The following CCDC102A variants were observed in gnomAD, a reference collection of about 807,000 sequenced individuals.
The protein encoded by CCDC102A is coiled-coil domain containing 102A, also known as coiled-coil domain-containing protein 102A.
Under a neutral mutation model 55.5 loss-of-function variants are expected in CCDC102A, and 40 were observed. The observed-to-expected ratio is 0.72, with a 90% CI of 0.56 to 0.94. The LOEUF is 0.94. Among genes scored for constraint, CCDC102A ranks in the 40% least tolerant of loss-of-function variants. The probability of loss-of-function intolerance (pLI) is 0.00; values close to 1 mark genes in which losing one functional copy is unlikely to be tolerated. For missense variants in CCDC102A, 779 were observed against 768.6 expected, an observed-to-expected ratio of 1.01 and a Z score of -0.16; for synonymous variants, 323 against 339.0, an observed-to-expected ratio of 0.95 and a Z score of 0.52.
At chr16:57,536,126 C>T (rs970827524) in intron 1 of CCDC102A, among the ~76,000 whole-genome samples, 2 of 152,176 alleles carry the variant, frequency 1.3e-5, no homozygotes, top group African/African-American at 4.8e-5. Flanking sequence ...TCTGATTGGC[C>T]AGCGCCGCCC....
Position 57,512,529 on chromosome 16 carries a change from C to CGCGCGTGT in CCDC102A, c.*211_*212insACACGCGC, listed in dbSNP as rs150669592. ...TTCTGGGTGTGCGCGCGCGCGCGCG[C>CGCGCGTGT]GTGTGTGTATATATATATATAAAAC... On this transcript the variant is annotated 3_prime_UTR_variant, in exon 9 of 9. Transcript: ENST00000258214. 3.8e-5 allele frequency: 18 copies of CGCGCGTGT among 475,822 alleles called. No individual in the cohort carries two copies. The African/African-American group carries it at 4.0e-4, about 11-fold the overall frequency. The allele number at this position is 475,822 out of a possible 1,614,324, so 29.5% of individuals were successfully genotyped here.
rs1407458716 is a variant in CCDC102A, at chr16:57,529,031, G to A, written c.147C>T (p.Pro49=). 3 of 1,106,504 alleles carry A rather than the reference G, an allele frequency of 2.7e-6. No individual in the cohort carries two copies. The highest frequency in any genetic ancestry group is 3.3e-6 in the Non-Finnish European group (3 of 907,606). 68.5% of individuals were successfully genotyped at this position (1,106,504 alleles called of 1,614,324 possible). A position where few individuals can be genotyped will look rare whatever the true frequency, so the allele number is the denominator to read the frequency against. ...PPTPPSGTPS[P]GPPPALPLPP... is the part of the protein sequence containing the mutation. ...GCAGGGGCAGTGCGGGCGGCGGCCC[G>A]GGCGAGGGCGTGCCGCTGGGCGGCG... Residue 49 remains proline (P), a synonymous_variant, in exon 2 of 9, where the codon CCC becomes CCT. Coordinates refer to ENST00000258214, the MANE Select transcript of CCDC102A (RefSeq NM_033212.4). The surrounding 1 kb of genome is among the most constrained non-coding windows in gnomAD (Gnocchi z 4.1).
intron 3 of CCDC102A, among the ~76,000 whole-genome samples, chr16:57,524,562 G>A (rs919555223): frequency 7.0e-6 from 1 of 142,590 alleles, no homozygotes; most frequent in Admixed American, 6.8e-5. Context: ...GGCTGACAGA[G>A]TGAGGCTCTG....
At chr16:57,527,467 T>G (rs1335292239) in intron 2 of CCDC102A, among the ~76,000 whole-genome samples, 3 of 150,026 alleles carry the variant, frequency 2.0e-5, no homozygotes, top group African/African-American at 7.4e-5. Flanking sequence ...TTGCCCAGGC[T>G]GGAGTGCAAT....
chr16:57,528,897 A>G lies in CCDC102A; in HGVS notation c.281T>C (p.Met94Thr). Residue 94 changes from methionine to threonine, a missense_variant, in exon 2 of 9, where the codon ATG becomes ACG. Met to Thr is a moderately conservative substitution (Grantham distance 81). Transcript: ENST00000258214. ...RARAAQMEKT[M>T]RRWSDCTANW... Reference sequence around the variant, plus strand: ...GGCAGTGCAGTCCGACCACCGGCGCATGGTCTTCTCCATCTGCGCCGCCCG... The same window carrying G: ...GGCAGTGCAGTCCGACCACCGGCGCGTGGTCTTCTCCATCTGCGCCGCCCG... 1 of 1,402,726 alleles carries G rather than the reference A, an allele frequency of 7.1e-7. No individual in the cohort carries two copies. The highest frequency in any genetic ancestry group is 9.3e-7 in the Non-Finnish European group (1 of 1,070,760). The allele number at this position is 1,402,726 out of a possible 1,614,324, so 86.9% of individuals were successfully genotyped here.
At position 57,525,947 on chromosome 16, in the gene CCDC102A, G is replaced by A. The variant is rs369291975; in HGVS notation, c.766C>T (p.Arg256Trp). ...TTCTGGGACTCATCCAGCCGTAGCC[G>A]CAGGGCGGTCAACTTGGAGGCCTCC... is the stretch of plus-strand genomic sequence containing the variant. The part of the protein sequence containing the change: ...EEEASKLTAL[R>W]LRLDESQKVL... Residue 256 changes from arginine (R) to tryptophan (W), a missense_variant, in exon 3 of 9, where the codon CGG becomes TGG. Arg to Trp is a moderately radical substitution (Grantham distance 101). Coordinates refer to ENST00000258214, the MANE Select transcript of CCDC102A (RefSeq NM_033212.4). 2.7e-5 allele frequency: 44 copies of A among 1,611,796 alleles called. No individual in the cohort carries two copies. Among genetic ancestry groups the A allele is most frequent in the African/African-American group, 1.1e-4 (8 of 74,808 alleles).
rs1401388247 is a variant in CCDC102A at position 57,529,528 on chromosome 16, C to T, written c.-147-204G>A. On this transcript the variant is annotated intron_variant, in intron 1 of 8. Transcript: ENST00000258214. This position sits in a 1 kb window ranked among gnomAD's most constrained non-coding sequence, Gnocchi z 4.1. ...CCTCGACTCCCTGCTCCAATCCCTT[C>T]ACCCAGCGGCGCTAATCTGAAACCT... 6.6e-6 allele frequency among the ~76,000 whole-genome samples: 1 copy of T among 152,204 alleles called. No individual in the cohort carries two copies. The highest frequency in any genetic ancestry group is 1.5e-5 in the Non-Finnish European group (1 of 68,028).
At chr16:57,518,862 G>T in intron 4 of CCDC102A, 121 bp from the exon 5 acceptor site, 1 of 691,646 alleles carries the variant, frequency 1.4e-6, no homozygotes, top group South Asian at 1.7e-5. Flanking sequence ...CCCAAATGGG[G>T]CAGGCACCAG....
intron 1 of CCDC102A, among the ~76,000 whole-genome samples, chr16:57,536,267 C>T (rs1377590724): frequency 3.3e-5 from 5 of 151,978 alleles, no homozygotes; most frequent in East Asian, 1.9e-4. Flanking sequence ...TCCCCCATCA[C>T]CCCGCGGCCC....
chr16:57,523,528 TACTGG>T (rs1490441613), intron 3 of CCDC102A, among the ~76,000 whole-genome samples: 1 of 151,208 alleles, frequency 6.6e-6, no homozygotes, highest in Non-Finnish European at 1.5e-5. Context: ...GGCTGGAGGG[TACTGG>T]TGCATTCATA....
chr16:57,533,238 CCT>C (rs1430749920), intron 1 of CCDC102A, among the ~76,000 whole-genome samples: 2 of 152,122 alleles, frequency 1.3e-5, no homozygotes, highest in African/African-American at 4.8e-5. Flanking sequence ...AGCACTCCCA[CCT>C]TTGCACTTCA....
rs1056809995 is a variant in CCDC102A at position 57,512,606 on chromosome 16, C to T, written c.*135G>A. The T allele has an allele frequency of 8.9e-6, 10 of 1,129,732 alleles. No individual in the cohort carries two copies. Among genetic ancestry groups the T allele is most frequent in the Non-Finnish European group, 1.2e-5 (10 of 800,746 alleles). The allele number at this position is 1,129,732 out of a possible 1,614,324, so 70.0% of individuals were successfully genotyped here. On this transcript the variant is annotated 3_prime_UTR_variant, in exon 9 of 9. Transcript: ENST00000258214. The stretch of plus-strand genomic sequence containing the variant: ...GTAGGTGGGACTGTTGACGCCATCC[C>T]TGGGAGAGAAGAAAGTCGGCTGTGG...
chr16:57,527,046 C>T (rs1475870825), intron 2 of CCDC102A, among the ~76,000 whole-genome samples: 1 of 152,240 alleles, frequency 6.6e-6, no homozygotes, highest in Admixed American at 6.5e-5. Context: ...AGGACAGGAA[C>T]AGCATTGTGC....
chr16:57,532,196 G>A, intron 1 of CCDC102A, among the ~76,000 whole-genome samples: 1 of 152,194 alleles, frequency 6.6e-6, no homozygotes, highest in Non-Finnish European at 1.5e-5. Context: ...AGAGAGTCAT[G>A]TTTGCTAGGT....
intron 8 of CCDC102A, among the ~76,000 whole-genome samples, chr16:57,514,278 T>C (rs536082653): frequency 2.0e-5 from 3 of 152,302 alleles, no homozygotes; most frequent in African/African-American, 4.8e-5. Context: ...CTCACTACTA[T>C]AGCTATGAAC....
chr16:57,519,587 G>A lies in CCDC102A; in HGVS notation c.922-846C>T, dbSNP rs143145983. Among the ~76,000 whole-genome samples the A allele has an allele frequency of 4.0e-4, 61 of 152,286 alleles. No individual in the cohort carries two copies. In the East Asian group the frequency reaches 8.5e-3, roughly 21 times the overall value. ...CAAACTGCTGCTCCCTGTAACACAC[G>A]GATGAGTTTTCAACACATAATGTTG... On this transcript the variant is annotated intron_variant, in intron 4 of 8. Transcript: ENST00000258214.
chr16:57,524,915 C>T lies in CCDC102A; in HGVS notation c.812+986G>A, dbSNP rs8049162. On this transcript the variant is annotated intron_variant, in intron 3 of 8. Coordinates refer to ENST00000258214, the MANE Select transcript of CCDC102A (RefSeq NM_033212.4). ...ACTGATCACTCTGTCCTCCGGGAAA[C>T]GGTTTCTTGTGGTTCCCCTTCCCAG... Among the ~76,000 whole-genome samples, 296 of 152,194 alleles carry T rather than the reference C, an allele frequency of 1.9e-3. 1 individual carries two copies. The highest frequency in any genetic ancestry group is 6.8e-3 in the Middle Eastern group (2 of 294).
Position 57,528,632 on chromosome 16 carries a change from T to G in CCDC102A, c.546A>C (p.Pro182=). ...DGPEPEAERE[P]VRDVGSERPP... ...GCCTCTCGGACCCGACGTCACGCAC[T>G]GGCTCGCGCTCCGCTTCCGGCTCGG... Residue 182 remains proline, a synonymous_variant, in exon 2 of 9, where the codon CCA becomes CCC. Transcript: ENST00000258214. 8.1e-7 allele frequency: 1 copy of G among 1,232,248 alleles called. No individual in the cohort carries two copies. The highest frequency in any genetic ancestry group is 2.1e-5 in the South Asian group (1 of 47,386). The allele number at this position is 1,232,248 out of a possible 1,614,324, so 76.3% of individuals were successfully genotyped here. A position where few individuals can be genotyped will look rare whatever the true frequency, so the allele number is the denominator to read the frequency against.
Position 57,516,489 on chromosome 16 carries a change from A to C in CCDC102A, c.1249-26T>G. 1.5e-5 allele frequency: 13 copies of C among 888,546 alleles called. No homozygotes were observed. Among genetic ancestry groups the C allele is most frequent in the Non-Finnish European group, 1.9e-5 (11 of 568,456 alleles). The allele number at this position is 888,546 out of a possible 1,614,324, so 55.0% of individuals were successfully genotyped here. A position where few individuals can be genotyped will look rare whatever the true frequency, so the allele number is the denominator to read the frequency against. The stretch of plus-strand genomic sequence containing the variant: ...CTACAGGGCACAGGGATGGGGTGGG[A>C]GGGAGGAGGGAATCAGTATCAGCTT... On this transcript the variant is annotated intron_variant, in intron 6 of 8. Coordinates refer to ENST00000258214, the MANE Select transcript of CCDC102A (RefSeq NM_033212.4). The surrounding 1 kb of genome is among the most constrained non-coding windows in gnomAD (Gnocchi z 4.4).
Sources: allele counts gnomAD v4.1 joint callset (sites outside exome capture counted in the v4.1 genomes callset), GRCh38; gene constraint gnomAD v4.1.1; non-coding constraint Gnocchi (gnomAD v3.1); transcripts MANE v1.5; gene names NCBI Gene and HGNC (gene_info 2026-07-23, HGNC 2026-07-21).